Variants in ALDH3A1 observed in about 807,000 individuals in gnomAD.
ALDH3A1 encodes aldehyde dehydrogenase 3 family member A1.
ALDH3A1 carries 46 observed loss-of-function variants against 49.9 expected under a neutral mutation model. That is an observed-to-expected ratio of 0.92 (90% CI 0.73 to 1.18). The LOEUF (loss-of-function observed/expected upper bound fraction) is 1.18, where lower values mean the gene tolerates loss of function less well. Among genes scored for constraint, ALDH3A1 ranks in the 50% most tolerant of loss-of-function variants. The probability of loss-of-function intolerance (pLI) is 0.00; values close to 1 mark genes in which losing one functional copy is unlikely to be tolerated. For missense variants in ALDH3A1, 592 were observed against 611.8 expected, an observed-to-expected ratio of 0.97 and a Z score of 0.34; for synonymous variants, 269 against 253.3, an observed-to-expected ratio of 1.06 and a Z score of -0.59.
In ALDH3A1 at chr17:19,745,132, C is replaced by A; in HGVS notation, c.-3G>T. The A allele has an allele frequency of 6.4e-7, 1 of 1,569,726 alleles. No homozygotes were observed. Among genetic ancestry groups the A allele is most frequent in the South Asian group, 1.1e-5 (1 of 88,236 alleles). On this transcript the variant is annotated splice_region_variant and 5_prime_UTR_variant, in exon 2 of 11. Transcript: ENST00000225740. ...ACGGCCTCGCTGATCTTGCTCATGG[C>A]GCCTGGGGACAGAGAGCACCTGCAG...
At chr17:19,744,927 G>T in intron 2 of ALDH3A1, 41 bp downstream of exon 2, 7 of 506,178 alleles carry the variant, frequency 1.4e-5, no homozygotes, top group South Asian at 8.1e-5. Context: ...CCCATCGCAT[G>T]GCCCCGACAC....
chr17:19,743,123 A>G lies in ALDH3A1; in HGVS notation c.394+109T>C. 6.5e-7 allele frequency: 1 copy of G among 1,545,392 alleles called. No individual in the cohort carries two copies. Among genetic ancestry groups the G allele is most frequent in the Non-Finnish European group, 8.7e-7 (1 of 1,150,248 alleles). On this transcript the variant is annotated intron_variant, in intron 3 of 10. Coordinates refer to ENST00000225740, the MANE Select transcript of ALDH3A1 (RefSeq NM_000691.5). The surrounding 1 kb of genome is among the most constrained non-coding windows in gnomAD (Gnocchi z 4.4). The stretch of plus-strand genomic sequence containing the variant: ...ACAGCCTCCTGTGACAGACCCAGCA[A>G]ACCCTTATCTGACCCCAGGACTCTT...
In ALDH3A1 at chr17:19,738,086, G is replaced by C. The variant is rs769100782; in HGVS notation, c.*135C>G. 1.3e-6 allele frequency: 2 copies of C among 1,580,688 alleles called. No homozygotes were observed. Among genetic ancestry groups the C allele is most frequent in the South Asian group, 1.1e-5 (1 of 88,500 alleles). On this transcript the variant is annotated 3_prime_UTR_variant, in exon 11 of 11. Transcript: ENST00000225740. ...CCCATGTGGGAGTGGGGTGTGCACA[G>C]GTCAGCAGGTCAGCAGAGGAGTGGG... is the stretch of plus-strand genomic sequence containing the variant.
rs1208988933 is a variant in ALDH3A1, at chr17:19,744,975, A to G, written c.155T>C (p.Leu52Pro). 3.6e-6 allele frequency: 5 copies of G among 1,384,442 alleles called. No individual in the cohort carries two copies. The African/African-American group carries it at 6.3e-5, about 18-fold the overall frequency. The allele number at this position is 1,384,442 out of a possible 1,614,324, so 85.8% of individuals were successfully genotyped here. ...GCCGCCCAGCCTGAGCACCTTGTGC[A>G]GGTCTGCGGCCAGCGCGCCCACCAG... The part of the protein sequence containing the change: ...QELVGALAAD[L>P]HKNEWNAYYE... The change falls in exon 2 of 11, where the codon CTG (leucine) becomes CCG (proline). Residue 52 changes from leucine to proline, a missense_variant. By Grantham distance (98) the Leu-to-Pro change is moderately conservative. Coordinates refer to ENST00000225740, the MANE Select transcript of ALDH3A1 (RefSeq NM_000691.5).
At chr17:19,745,247 G>C in intron 1 of ALDH3A1, 113 bp from the exon 2 acceptor site, 1 of 1,177,502 alleles carries the variant, frequency 8.5e-7, no homozygotes, top group Non-Finnish European at 1.1e-6. Context: ...GGGGAAAATG[G>C]CCTTTCCGCT....
At chr17:19,744,901 G>GCCCCCCCCCCCCCCCCCCCCCCCCCC in intron 2 of ALDH3A1, 67 bp downstream of exon 2, 2 of 434,632 alleles carry the variant, frequency 4.6e-6, no homozygotes, top group East Asian at 1.4e-4. Context: ...ACTCTCCCCA[G>GCCCCCCCCCCCCCCCCCCCCCCCCCC]CCCCTCCCCC....
At chr17:19,744,596 C>G (rs2086562949) in intron 2 of ALDH3A1, 1 of 985,336 alleles carries the variant, frequency 1.0e-6, no homozygotes, top group Non-Finnish European at 1.2e-6. Flanking sequence ...GAGGGGAGAG[C>G]CCCCCATGCC....
rs941505747 is a variant in ALDH3A1, at chr17:19,746,625, G to A, written c.-5-1491C>T. 4.6e-5 allele frequency among the ~76,000 whole-genome samples: 6 copies of A among 129,344 alleles called. No homozygotes were observed. The East Asian group carries it at 7.5e-4, about 16-fold the overall frequency. The allele number at this position is 129,344 out of a possible 152,430, so 84.9% of individuals were successfully genotyped here. Reference sequence around the variant, plus strand: ...CAGGCGTGTGCATGTGTGTGTGTGCGTGTGTGTGTGTGCGTGTGCGTGTGT... The same window carrying A: ...CAGGCGTGTGCATGTGTGTGTGTGCATGTGTGTGTGTGCGTGTGCGTGTGT... On this transcript the variant is annotated intron_variant, in intron 1 of 10. Coordinates refer to ENST00000225740, the MANE Select transcript of ALDH3A1 (RefSeq NM_000691.5).
chr17:19,741,568 G>C (rs2072329), intron 5 of ALDH3A1, among the ~76,000 whole-genome samples: 51,930 of 152,084 alleles, frequency 0.34, 9,689 homozygotes, highest in Non-Finnish European at 0.42. Context: ...GCTAGGGTCA[G>C]GAGGTGCAGA....
At position 19,746,692 on chromosome 17, in the gene ALDH3A1, T is replaced by TGCATGTGCGTGTGTGC. The variant is rs1449998026; in HGVS notation, c.-5-1559_-5-1558insGCACACACGCACATGC. Among the ~76,000 whole-genome samples the TGCATGTGCGTGTGTGC allele has an allele frequency of 4.5e-3, 661 of 146,886 alleles. 2 individuals carry two copies. Among genetic ancestry groups the TGCATGTGCGTGTGTGC allele is most frequent in the African/African-American group, 0.017 (642 of 38,378 alleles). On this transcript the variant is annotated intron_variant, in intron 1 of 10. Transcript: ENST00000225740. The stretch of plus-strand genomic sequence containing the variant: ...GCGTGTGTGTGCATGTGCGTGTGTG[T>TGCATGTGCGTGTGTGC]GTGCGTGCGTGTGTGTGCATGTGCG...
Position 19,743,530 on chromosome 17 carries a change from GC to G in ALDH3A1, c.163-68del. On this transcript the variant is annotated intron_variant, in intron 2 of 10. Coordinates refer to ENST00000225740, the MANE Select transcript of ALDH3A1 (RefSeq NM_000691.5). This position sits in a 1 kb window ranked among gnomAD's most constrained non-coding sequence, Gnocchi z 4.4. ...CGCCTGCAGCTGGGGCGAGTGGGGA[GC>G]CCCACTGCTCAGCTGCCAGGGTGAT... is the stretch of plus-strand genomic sequence containing the variant. 3 of 1,526,458 alleles carry G rather than the reference GC, an allele frequency of 2.0e-6. No individual in the cohort carries two copies. The highest frequency in any genetic ancestry group is 8.8e-7 in the Non-Finnish European group (1 of 1,137,406). The allele number at this position is 1,526,458 out of a possible 1,614,324, so 94.6% of individuals were successfully genotyped here.
chr17:19,743,763 C>T lies in ALDH3A1; in HGVS notation c.163-300G>A, dbSNP rs778356184. The T allele has an allele frequency of 2.7e-4, 255 of 950,708 alleles. No individual in the cohort carries two copies. The highest frequency in any genetic ancestry group is 3.0e-4 in the Admixed American group (3 of 9,978). 58.9% of individuals were successfully genotyped at this position (950,708 alleles called of 1,614,324 possible). A position where few individuals can be genotyped will look rare whatever the true frequency, so the allele number is the denominator to read the frequency against. The stretch of plus-strand genomic sequence containing the variant: ...TGGATCCAGGTAGGGGGAATAGAGC[C>T]GGGCAGGGGAGAGTAGATTCAGGCA... On this transcript the variant is annotated intron_variant, in intron 2 of 10. Transcript: ENST00000225740. The surrounding 1 kb of genome is among the most constrained non-coding windows in gnomAD (Gnocchi z 4.4).
intron 5 of ALDH3A1, chr17:19,741,449 G>A (rs1016400268): frequency 1.5e-5 from 7 of 472,674 alleles, no homozygotes; most frequent in South Asian, 4.8e-5. Context: ...GGCAACCTCC[G>A]TGCTCCCTGA....
At chr17:19,739,860 A>G (rs1298488692) in intron 7 of ALDH3A1, among the ~76,000 whole-genome samples, 186 bp from the exon 8 acceptor site, 2 of 152,118 alleles carry the variant, frequency 1.3e-5, no homozygotes, top group Non-Finnish European at 2.9e-5. Flanking sequence ...TGAGCAGACC[A>G]CTGGGGACAA....
intron 1 of ALDH3A1, among the ~76,000 whole-genome samples, chr17:19,747,527 C>T (rs898431922): frequency 2.6e-5 from 4 of 152,204 alleles, no homozygotes; most frequent in Admixed American, 6.5e-5. Context: ...ACCCCAGCAT[C>T]GCCACTTGGA....
At chr17:19,744,531 G>T in intron 2 of ALDH3A1, 4 of 985,470 alleles carry the variant, frequency 4.1e-6, no homozygotes, top group Non-Finnish European at 4.8e-6. Context: ...GAATGCAGAG[G>T]TGTCTGGTCT....
chr17:19,738,893 G>T, intron 9 of ALDH3A1, 103 bp downstream of exon 9: 1 of 1,006,062 alleles, frequency 9.9e-7, no homozygotes. Flanking sequence ...CTAATGGGAG[G>T]CTGCCGCCCG....
chr17:19,743,370 G>T lies in ALDH3A1; in HGVS notation c.256C>A (p.Pro86Thr). The T allele has an allele frequency of 1.9e-6, 3 of 1,614,118 alleles. No homozygotes were observed. Among genetic ancestry groups the T allele is most frequent in the Non-Finnish European group, 2.5e-6 (3 of 1,180,018 alleles). ...TGAGTCTGGGGCGTCTTCTCCACGG[G>T]CTCATCCGCGGCCCACTCAGGGAGC... ...QKLPEWAADE[P>T]VEKTPQTQQD... The change falls in exon 3 of 11, where the codon CCC becomes ACC. Residue 86 changes from proline to threonine, a missense_variant. Transcript: ENST00000225740. The surrounding 1 kb of genome is among the most constrained non-coding windows in gnomAD (Gnocchi z 4.4).
intron 8 of ALDH3A1, 132 bp downstream of exon 8, chr17:19,739,375 AG>A: frequency 1.8e-6 from 2 of 1,091,540 alleles, no homozygotes; most frequent in Non-Finnish European, 2.6e-6. Flanking sequence ...CTTACAGACG[AG>A]GTGAAAGGAG....
Sources: gnomAD v4.1 joint callset for allele counts (sites outside exome capture counted in the v4.1 genomes callset) on GRCh38, gnomAD v4.1.1 for gene constraint, Gnocchi (gnomAD v3.1) non-coding constraint, MANE v1.5 for transcripts, NCBI Gene and HGNC (gene_info 2026-07-23, HGNC 2026-07-21) for gene names.